The following BICC1 variants were observed in gnomAD, a reference collection of about 807,000 sequenced individuals.
The protein encoded by BICC1 is protein bicaudal C homolog 1.
A neutral mutation model predicts 111.0 loss-of-function variants in BICC1; 43 were observed. That is an observed-to-expected ratio of 0.39 (90% CI 0.30 to 0.50). The LOEUF (loss-of-function observed/expected upper bound fraction) is 0.50. Ranked by LOEUF, BICC1 falls within the 20% of genes least tolerant of loss-of-function variation. The pLI is 0.88. For synonymous variants in BICC1, 467 were observed against 434.4 expected, an observed-to-expected ratio of 1.07 and a Z score of -0.93; for missense variants, 1,091 against 1,203.2, an observed-to-expected ratio of 0.91 and a Z score of 1.38.
At chr10:58,636,359 T>G (rs1459674155) in intron 2 of BICC1, among the ~76,000 whole-genome samples, 2 of 152,214 alleles carry the variant, frequency 1.3e-5, no homozygotes, top group African/African-American at 4.8e-5. Flanking sequence ...GTATTTGTCT[T>G]TCTTAATGGG....
chr10:58,588,877 C>T (rs1338449363), intron 1 of BICC1, among the ~76,000 whole-genome samples: 3 of 152,190 alleles, frequency 2.0e-5, no homozygotes, highest in Admixed American at 6.5e-5. Context: ...ACTCACCATC[C>T]TGTGTCAGGA....
chr10:58,634,527 C>A (rs1837895824), intron 2 of BICC1, among the ~76,000 whole-genome samples: 1 of 152,132 alleles, frequency 6.6e-6, no homozygotes, highest in South Asian at 2.1e-4. Flanking sequence ...GGAAAAGCTC[C>A]TCAGGTGACA....
chr10:58,536,321 T>A (rs182921178), intron 1 of BICC1, among the ~76,000 whole-genome samples: 1 of 151,862 alleles, frequency 6.6e-6, no homozygotes, highest in Non-Finnish European at 1.5e-5. Flanking sequence ...AGATCATATG[T>A]AAGCTGCAAA....
chr10:58,701,770 A>G (rs1564563190), intron 2 of BICC1, among the ~76,000 whole-genome samples: 2 of 152,180 alleles, frequency 1.3e-5, no homozygotes, highest in African/African-American at 4.8e-5. Flanking sequence ...TTCTGGCATC[A>G]AGTTGGGTTA....
intron 8 of BICC1, 107 bp from the exon 9 acceptor site, chr10:58,793,377 G>A: frequency 9.5e-7 from 1 of 1,048,498 alleles, no homozygotes; most frequent in Non-Finnish European, 1.4e-6. Context: ...CTTCAGTTTA[G>A]TCTTTAAATC....
intron 1 of BICC1, among the ~76,000 whole-genome samples, chr10:58,609,572 T>C (rs534418780): frequency 1.3e-4 from 20 of 152,228 alleles, no homozygotes; most frequent in Non-Finnish European, 2.2e-4. Flanking sequence ...ACCCAATATA[T>C]AAAAGTAACA....
At chr10:58,762,825 G>A (rs1333772612) in intron 3 of BICC1, among the ~76,000 whole-genome samples, 1 of 151,338 alleles carries the variant, frequency 6.6e-6, no homozygotes, top group Non-Finnish European at 1.5e-5. Flanking sequence ...AAAACAAAGA[G>A]TTCTCTCTCT....
intron 2 of BICC1, among the ~76,000 whole-genome samples, chr10:58,670,305 T>G (rs997222200): frequency 2.6e-5 from 4 of 152,106 alleles, no homozygotes; most frequent in East Asian, 3.9e-4. Context: ...TGGGGGTGGT[T>G]GTTGTTAAAC....
rs559389699 is a variant in BICC1 at position 58,574,334 on chromosome 10, A to G, written c.191-46521A>G. On this transcript the variant is annotated intron_variant, in intron 1 of 20. Transcript: ENST00000373886. ...ATGGGAAAAATTGGAAACACATTTG[A>G]TGTTAAGACTGTCCTGGAAAACCCA... Among the ~76,000 whole-genome samples the G allele has an allele frequency of 9.3e-4, 141 of 152,288 alleles. 2 individuals are homozygous for G. The Middle Eastern group carries it at 0.02, about 22-fold the overall frequency.
intron 3 of BICC1, among the ~76,000 whole-genome samples, chr10:58,711,702 T>C (rs1840578575): frequency 6.6e-6 from 1 of 152,180 alleles, no homozygotes; most frequent in African/African-American, 2.4e-5. Context: ...CTTTCCAATC[T>C]TTTTTCTCTC....
intron 2 of BICC1, among the ~76,000 whole-genome samples, chr10:58,626,444 C>T (rs1298292904): frequency 6.6e-6 from 1 of 152,190 alleles, no homozygotes; most frequent in Non-Finnish European, 1.5e-5. Flanking sequence ...TAGTCATCAT[C>T]TAGAAAGTTA....
chr10:58,760,605 TGGGAA>T (rs1842285823), intron 3 of BICC1, among the ~76,000 whole-genome samples: 1 of 152,162 alleles, frequency 6.6e-6, no homozygotes, highest in African/African-American at 2.4e-5. Flanking sequence ...AATAATTTTC[TGGGAA>T]AATAAAAAAT....
chr10:58,639,811 C>G (rs1162794831), intron 2 of BICC1, among the ~76,000 whole-genome samples: 1 of 149,670 alleles, frequency 6.7e-6, no homozygotes, highest in Non-Finnish European at 1.5e-5. Context: ...CTCCCAGGCT[C>G]AAGTGATCCT....
rs762997869 is a variant in BICC1 at position 58,796,514 on chromosome 10, C to T, written c.1354C>T (p.Leu452Phe). The T allele has an allele frequency of 1.9e-6, 3 of 1,613,332 alleles. No individual in the cohort carries two copies. Among genetic ancestry groups the T allele is most frequent in the Non-Finnish European group, 2.5e-6 (3 of 1,179,738 alleles). ...TATCTTAGCTTCAGCAGGCCTTGGACTCACTGGACTAGGTATACAATTTAT... is the reference window on the plus strand; with the variant it reads ...TATCTTAGCTTCAGCAGGCCTTGGATTCACTGGACTAGGTATACAATTTAT... ...LDILASAGLGLTGLGLLGPTT... is the reference protein window; with the variant it reads ...LDILASAGLGFTGLGLLGPTT... The change falls in exon 10 of 21, where the codon CTC (leucine) becomes TTC (phenylalanine). Residue 452 changes from leucine (L) to phenylalanine (F), a missense_variant. Around this residue, in one of 3 missense-constraint regions of BICC1, gnomAD observed 843 missense variants for 900.8 expected, o/e 0.94. Transcript: ENST00000373886.
At chr10:58,608,640 G>A (rs986087524) in intron 1 of BICC1, among the ~76,000 whole-genome samples, 1 of 152,084 alleles carries the variant, frequency 6.6e-6, no homozygotes, top group Admixed American at 6.5e-5. Context: ...CGTCCTTAGA[G>A]GTCAAAGTAG....
At chr10:58,768,140 A>C (rs190286069) in intron 3 of BICC1, among the ~76,000 whole-genome samples, 103 of 152,338 alleles carry the variant, frequency 6.8e-4, no homozygotes, top group Non-Finnish European at 1.3e-3. Context: ...CTTCACCAAG[A>C]CACATAATCT....
chr10:58,605,280 A>C (rs1160824250), intron 1 of BICC1, among the ~76,000 whole-genome samples: 1 of 152,188 alleles, frequency 6.6e-6, no homozygotes, highest in African/African-American at 2.4e-5. Flanking sequence ...ATCCTTCCCC[A>C]CAAAACATAC....
chr10:58,748,136 G>A (rs1274051732), intron 3 of BICC1, among the ~76,000 whole-genome samples: 1 of 152,084 alleles, frequency 6.6e-6, no homozygotes, highest in African/African-American at 2.4e-5. Context: ...ACATACCAAA[G>A]TTTAAGTGAT....
chr10:58,608,497 C>G (rs1421003930), intron 1 of BICC1, among the ~76,000 whole-genome samples: 1 of 152,188 alleles, frequency 6.6e-6, no homozygotes, highest in African/African-American at 2.4e-5. Context: ...TTCCCCATGT[C>G]CTCATGTCTA....
Sources: allele counts gnomAD v4.1 joint callset (sites outside exome capture counted in the v4.1 genomes callset), GRCh38; gene constraint gnomAD v4.1.1; regional missense constraint gnomAD v4.1.1; transcripts MANE v1.5; gene names NCBI Gene and HGNC (gene_info 2026-07-23, HGNC 2026-07-21).